The following KIF13B variants were observed in gnomAD, a reference collection of about 807,000 sequenced individuals.
KIF13B encodes kinesin family member 13B.
In KIF13B, 127 loss-of-function variants were observed where a neutral mutation model predicts 222.0. That is an observed-to-expected ratio of 0.57 (90% confidence interval 0.50 to 0.66). The LOEUF (loss-of-function observed/expected upper bound fraction) is 0.66, where lower values mean the gene tolerates loss of function less well. Among genes scored for constraint, KIF13B ranks in the 30% least tolerant of loss-of-function variants. The probability of loss-of-function intolerance (pLI) is 0.00; values close to 1 mark genes in which losing one functional copy is unlikely to be tolerated. For synonymous variants in KIF13B, 976 were observed against 919.0 expected (o/e 1.06, Z -1.12); for missense variants, 2,173 against 2,379.0 (o/e 0.91, Z 1.80).
chr8:29,139,990 G>A, intron 21 of KIF13B, 73 bp downstream of exon 21: 3 of 1,350,308 alleles, frequency 2.2e-6, no homozygotes, highest in South Asian at 1.4e-5. Context: ...TGTGATTTTT[G>A]CCATTAAAAG....
In KIF13B at chr8:29,071,682, T is replaced by C. The variant is rs200418743; in HGVS notation, c.5156A>G (p.Tyr1719Cys). ...CTCTTGGAAGTCGGCAGGCCCCACG[T>C]ATCTCACCACGCCCGTTTTGTGGGC... ...VGAHKTGVVRYVGPADFQEGT... is the reference protein window; with the variant it reads ...VGAHKTGVVRCVGPADFQEGT... The change falls in exon 39 of 40, where the codon TAC (tyrosine) becomes TGC (cysteine). Residue 1719 changes from tyrosine to cysteine, a missense_variant. Coordinates refer to ENST00000524189, the MANE Select transcript of KIF13B (RefSeq NM_015254.4). This position sits in a 1 kb window ranked among gnomAD's most constrained non-coding sequence, Gnocchi z 4.9. The C allele has an allele frequency of 8.0e-4, 1,237 of 1,554,204 alleles. 13 individuals are homozygous for C. In the African/African-American group the frequency reaches 0.015, roughly 19 times the overall value.
In KIF13B at chr8:29,130,040, T is replaced by G. The variant is rs563134072; in HGVS notation, c.3075+493A>C. Among the ~76,000 whole-genome samples, 8 of 152,366 alleles carry G rather than the reference T, an allele frequency of 5.3e-5. No homozygotes were observed. The South Asian group carries it at 1.7e-3, about 32-fold the overall frequency. On this transcript the variant is annotated intron_variant, in intron 24 of 39. Coordinates refer to ENST00000524189, the MANE Select transcript of KIF13B (RefSeq NM_015254.4). Reference sequence around the variant, plus strand: ...TCTGGCATGTCACATAGCTTCTCCTTGTCTTCCTAAATGTTCTAAAGCTGT... The same window carrying G: ...TCTGGCATGTCACATAGCTTCTCCTGGTCTTCCTAAATGTTCTAAAGCTGT...
At chr8:29,168,712 C>T (rs1002387210) in intron 10 of KIF13B, among the ~76,000 whole-genome samples, 1 of 152,158 alleles carries the variant, frequency 6.6e-6, no homozygotes, top group Non-Finnish European at 1.5e-5. Context: ...CCGGTCATGC[C>T]TTGAGATGAT....
intron 6 of KIF13B, among the ~76,000 whole-genome samples, chr8:29,182,858 G>A (rs1039778593): frequency 6.6e-6 from 1 of 151,998 alleles, no homozygotes; most frequent in Non-Finnish European, 1.5e-5. Flanking sequence ...AAATTGCTGA[G>A]AGTAGACAGA....
At chr8:29,121,980 C>T (rs1043248500) in intron 29 of KIF13B, among the ~76,000 whole-genome samples, 4 of 152,120 alleles carry the variant, frequency 2.6e-5, no homozygotes, top group Non-Finnish European at 4.4e-5. Flanking sequence ...AGAAGCCGGG[C>T]GCAGTGGCTC....
rs764391873 is a variant in KIF13B at position 29,148,777 on chromosome 8, A to G, written c.1623-10T>C. The G allele has an allele frequency of 6.3e-7, 1 of 1,579,914 alleles. No homozygotes were observed. The highest frequency in any genetic ancestry group is 8.6e-7 in the Non-Finnish European group (1 of 1,163,096). On this transcript the variant is annotated splice_polypyrimidine_tract_variant and intron_variant, in intron 15 of 39. Transcript: ENST00000524189. Reference sequence around the variant, plus strand: ...TTTAGGCAAATTGAGTCTTGGTGGGAAAAAGAGTATTATTTTCTGAAGTTA... The same window carrying G: ...TTTAGGCAAATTGAGTCTTGGTGGGGAAAAGAGTATTATTTTCTGAAGTTA...
intron 37 of KIF13B, among the ~76,000 whole-genome samples, chr8:29,083,967 TG>T (rs1807926139): frequency 6.6e-6 from 1 of 152,176 alleles, no homozygotes; most frequent in Non-Finnish European, 1.5e-5. Flanking sequence ...CAGGCTGGAG[TG>T]TGGTGGTTCA....
chr8:29,107,394 G>A (rs549341492), intron 35 of KIF13B, among the ~76,000 whole-genome samples: 2 of 151,992 alleles, frequency 1.3e-5, no homozygotes, highest in African/African-American at 4.8e-5. Context: ...TGGGTGTGGT[G>A]GCATGCACCT....
chr8:29,083,854 T>TTTA (rs1807919834), intron 37 of KIF13B, among the ~76,000 whole-genome samples: 1 of 152,166 alleles, frequency 6.6e-6, no homozygotes, highest in Non-Finnish European at 1.5e-5. Context: ...TATATGTTAT[T>TTTA]TTTTAAATAA....
intron 37 of KIF13B, among the ~76,000 whole-genome samples, chr8:29,082,746 T>G (rs1352180767): frequency 6.6e-6 from 1 of 152,238 alleles, no homozygotes; most frequent in Non-Finnish European, 1.5e-5. Flanking sequence ...GAATGCTCAC[T>G]TCATCCAAAA....
In KIF13B at chr8:29,071,163, A is replaced by G. The variant is rs1807254565; in HGVS notation, c.5219-397T>C. Reference sequence around the variant, plus strand: ...ACCCAGGCCTGGGCTGGGTGGCGGGAGAATGGTTCTTTTGCTGAATCTATG... The same window carrying G: ...ACCCAGGCCTGGGCTGGGTGGCGGGGGAATGGTTCTTTTGCTGAATCTATG... On this transcript the variant is annotated intron_variant, in intron 39 of 39. Transcript: ENST00000524189. The surrounding 1 kb of genome is among the most constrained non-coding windows in gnomAD (Gnocchi z 4.9). Among the ~76,000 whole-genome samples the G allele has an allele frequency of 6.6e-6, 1 of 152,170 alleles. No individual in the cohort carries two copies. The highest frequency in any genetic ancestry group is 6.5e-5 in the Admixed American group (1 of 15,282).
chr8:29,205,270 C>T (rs369401310), intron 2 of KIF13B, among the ~76,000 whole-genome samples: 1 of 152,124 alleles, frequency 6.6e-6, no homozygotes. Flanking sequence ...AATTAGAAGA[C>T]ATCACATTAG....
intron 14 of KIF13B, among the ~76,000 whole-genome samples, chr8:29,153,958 T>C (rs113061622): frequency 1.1e-4 from 17 of 152,372 alleles, no homozygotes; most frequent in Middle Eastern, 6.8e-3. Context: ...TATGCATACA[T>C]GCAAAATTTT....
At chr8:29,201,640 A>T (rs1813697942) in intron 2 of KIF13B, among the ~76,000 whole-genome samples, 1 of 152,228 alleles carries the variant, frequency 6.6e-6, no homozygotes, top group Admixed American at 6.5e-5. Flanking sequence ...TTTTAATTCT[A>T]AAGGTCTGAG....
chr8:29,205,668 C>T (rs1017239886), intron 2 of KIF13B, among the ~76,000 whole-genome samples: 1 of 152,158 alleles, frequency 6.6e-6, no homozygotes, highest in Admixed American at 6.5e-5. Context: ...AAATGTCCCT[C>T]GCAGCAGTAA....
At chr8:29,149,240 G>A (rs1811195736) in intron 15 of KIF13B, among the ~76,000 whole-genome samples, 1 of 152,124 alleles carries the variant, frequency 6.6e-6, no homozygotes, top group Non-Finnish European at 1.5e-5. Context: ...AAACGATGAG[G>A]GTTTTGAACA....
At position 29,161,699 on chromosome 8, in the gene KIF13B, A is replaced by ACCCC. The variant is rs61187527; in HGVS notation, c.1270-836_1270-833dup. On this transcript the variant is annotated intron_variant, in intron 12 of 39. Coordinates refer to ENST00000524189, the MANE Select transcript of KIF13B (RefSeq NM_015254.4). ...CGACAGAGAAAGACTCCATCTCAAAACCCCCCCCCAAAAAAAAACAAAAAA... is the reference window on the plus strand; with the variant it reads ...CGACAGAGAAAGACTCCATCTCAAAACCCCCCCCCCCCCAAAAAAAAACAAAAAA... 8.5e-4 allele frequency among the ~76,000 whole-genome samples: 120 copies of ACCCC among 141,814 alleles called. 1 individual carries two copies. The highest frequency in any genetic ancestry group is 3.0e-3 in the African/African-American group (114 of 38,150). The allele number at this position is 141,814 out of a possible 152,430, so 93.0% of individuals were successfully genotyped here.
Position 29,116,932 on chromosome 8 carries a change from G to A in KIF13B, c.3736C>T (p.Arg1246Trp), listed in dbSNP as rs192711591. 6.2e-6 allele frequency: 10 copies of A among 1,612,716 alleles called. No homozygotes were observed. Among genetic ancestry groups the A allele is most frequent in the African/African-American group, 1.3e-5 (1 of 74,900 alleles). The change falls in exon 31 of 40, where the codon CGG becomes TGG. Residue 1246 changes from arginine to tryptophan, a missense_variant. Arg to Trp is a moderately radical substitution (Grantham distance 101). This residue lies in a region of KIF13B where 1,480 missense variants were observed against 1,722.8 expected (regional missense o/e 0.86). Coordinates refer to ENST00000524189, the MANE Select transcript of KIF13B (RefSeq NM_015254.4). ...QLSRGTPVDE[R>W]LFLIVRVTVQ... ...GTCACGCGCACGATCAGGAACAACC[G>A]CTCGTCCACGGGCGTGCCCCTGCTG... is the stretch of plus-strand genomic sequence containing the variant.
At chr8:29,248,118 C>T (rs1224513698) in intron 1 of KIF13B, among the ~76,000 whole-genome samples, 1 of 152,098 alleles carries the variant, frequency 6.6e-6, no homozygotes, top group East Asian at 1.9e-4. Flanking sequence ...ATGGTGCAGT[C>T]ACTTCAGATA....
Sources: allele counts gnomAD v4.1 joint callset (sites outside exome capture counted in the v4.1 genomes callset), GRCh38; gene constraint gnomAD v4.1.1; regional missense constraint gnomAD v4.1.1; non-coding constraint Gnocchi (gnomAD v3.1); transcripts MANE v1.5; gene names NCBI Gene and HGNC (gene_info 2026-07-23, HGNC 2026-07-21).